TSNARE1: variants seen among roughly 807,000 people sequenced by gnomAD.
TSNARE1 encodes t-SNARE domain-containing protein 1.
Under a neutral mutation model 62.0 loss-of-function variants are expected in TSNARE1, and 49 were observed. The observed-to-expected ratio is 0.79, with a 90% confidence interval of 0.63 to 1.00. The LOEUF (loss-of-function observed/expected upper bound fraction) is 1.00, where lower values mean the gene tolerates loss of function less well. Ranked by LOEUF, TSNARE1 falls within the 50% of genes least tolerant of loss-of-function variation. TSNARE1 has a pLI of 0.00. For missense variants in TSNARE1, 755 were observed against 700.1 expected (o/e 1.08, Z -0.88); for synonymous variants, 328 against 294.4 (o/e 1.11, Z -1.17).
intron 11 of TSNARE1, chr8:142,275,877 G>T (rs577651675): frequency 4.6e-4 from 455 of 985,298 alleles, no homozygotes; most frequent in Non-Finnish European, 5.4e-4. Flanking sequence ...TGAGGGAGGA[G>T]GGTCCTCAGA....
chr8:142,270,542 C>T (rs989454637), intron 12 of TSNARE1: 1 of 983,132 alleles, frequency 1.0e-6, no homozygotes, highest in East Asian at 1.1e-4. Flanking sequence ...GAAATTATTC[C>T]AGGCATATGG....
At chr8:142,382,741 C>T (rs939421475) in intron 1 of TSNARE1, among the ~76,000 whole-genome samples, 1 of 152,230 alleles carries the variant, frequency 6.6e-6, no homozygotes, top group Non-Finnish European at 1.5e-5. Context: ...GCCAGCTTTC[C>T]AGGAGAGAAG....
chr8:142,364,306 C>G (rs1835380152), intron 1 of TSNARE1, among the ~76,000 whole-genome samples: 1 of 152,362 alleles, frequency 6.6e-6, no homozygotes, highest in South Asian at 2.1e-4. Context: ...ACTCACCAAG[C>G]AGTGGTACTC....
At chr8:142,279,594 G>A (rs981058954) in intron 11 of TSNARE1, among the ~76,000 whole-genome samples, 3 of 152,232 alleles carry the variant, frequency 2.0e-5, no homozygotes, top group African/African-American at 7.2e-5. Flanking sequence ...ACAATGCTTG[G>A]CAATGCAGGG....
intron 12 of TSNARE1, among the ~76,000 whole-genome samples, chr8:142,264,193 T>C (rs1819027377): frequency 6.6e-6 from 1 of 152,260 alleles, no homozygotes; most frequent in South Asian, 2.1e-4. Flanking sequence ...CTCTGAGTTA[T>C]GTAGAACTGT....
At chr8:142,278,393 G>C in intron 11 of TSNARE1, 1 of 985,470 alleles carries the variant, frequency 1.0e-6, no homozygotes, top group Non-Finnish European at 1.2e-6. Context: ...GGGTCCTTCT[G>C]TCCACTCTGT....
At chr8:142,216,947 G>T (rs1815869256) in intron 13 of TSNARE1, among the ~76,000 whole-genome samples, 1 of 152,104 alleles carries the variant, frequency 6.6e-6, no homozygotes. Flanking sequence ...AACAGTCGTG[G>T]AGAAACTGCC....
intron 9 of TSNARE1, among the ~76,000 whole-genome samples, chr8:142,311,290 GTTT>G (rs58755110): frequency 1.7e-4 from 10 of 57,350 alleles, no homozygotes; most frequent in African/African-American, 5.6e-4. Flanking sequence ...AGCCTCTCTA[GTTT>G]TTTTTTTTTT....
intron 7 of TSNARE1, 84 bp downstream of exon 7, chr8:142,318,460 G>A: frequency 7.3e-7 from 1 of 1,368,036 alleles, no homozygotes; most frequent in South Asian, 1.2e-5. Flanking sequence ...CCTGTATCCT[G>A]CCTCGTGTGA....
intron 12 of TSNARE1, chr8:142,274,409 C>T: frequency 1.0e-6 from 1 of 985,482 alleles, no homozygotes; most frequent in Non-Finnish European, 1.2e-6. Context: ...CACAAAGTCC[C>T]CTCTGCAGTT....
chr8:142,338,130 C>T lies in TSNARE1; in HGVS notation c.745+5836G>A, dbSNP rs961574529. Among the ~76,000 whole-genome samples the T allele has an allele frequency of 3.3e-5, 5 of 152,352 alleles. No homozygotes were observed. The South Asian group carries it at 1.0e-3, about 32-fold the overall frequency. On this transcript the variant is annotated intron_variant, in intron 4 of 13. Transcript: ENST00000524325. Reference sequence around the variant, plus strand: ...CTTATCAGGACTTCTCTCTGCCGTCCCCATCCCCACCCTCCAGTTCTGCTG... The same window carrying T: ...CTTATCAGGACTTCTCTCTGCCGTCTCCATCCCCACCCTCCAGTTCTGCTG...
intron 12 of TSNARE1, among the ~76,000 whole-genome samples, chr8:142,235,306 T>G (rs1482270277): frequency 6.6e-6 from 1 of 152,044 alleles, no homozygotes; most frequent in East Asian, 1.9e-4. Context: ...GGTGGCTGGA[T>G]GCTGGATGTC....
At chr8:142,259,011 T>C (rs551123367) in intron 12 of TSNARE1, among the ~76,000 whole-genome samples, 1 of 152,288 alleles carries the variant, frequency 6.6e-6, no homozygotes, top group African/African-American at 2.4e-5. Context: ...CTTTGCACGG[T>C]CCGGCAAGCT....
intron 9 of TSNARE1, 104 bp from the exon 10 acceptor site, chr8:142,300,748 A>C: frequency 3.4e-5 from 40 of 1,163,994 alleles, no homozygotes; most frequent in Non-Finnish European, 4.6e-5. Context: ...CACTATCCCC[A>C]TCTGCTCTCT....
At chr8:142,383,524 C>T (rs1321516521) in intron 1 of TSNARE1, among the ~76,000 whole-genome samples, 1 of 152,200 alleles carries the variant, frequency 6.6e-6, no homozygotes, top group Admixed American at 6.5e-5. Flanking sequence ...CGGCAAGCTG[C>T]CCCCACCAGC....
chr8:142,241,834 G>A (rs1164014858), intron 12 of TSNARE1, among the ~76,000 whole-genome samples: 5 of 151,576 alleles, frequency 3.3e-5, no homozygotes, highest in African/African-American at 7.2e-5. Flanking sequence ...TCCATCTCAC[G>A]CCGTATACAA....
chr8:142,313,475 G>A (rs1827979626), intron 9 of TSNARE1, among the ~76,000 whole-genome samples: 1 of 151,668 alleles, frequency 6.6e-6, no homozygotes, highest in Non-Finnish European at 1.5e-5. Context: ...GCATGTCTGT[G>A]TTTATCTGTG....
At chr8:142,379,142 C>A (rs1056686415) in intron 1 of TSNARE1, among the ~76,000 whole-genome samples, 21 of 152,346 alleles carry the variant, frequency 1.4e-4, no homozygotes, top group African/African-American at 4.3e-4. Flanking sequence ...CCTCCCACCC[C>A]ACGTCAGCGC....
chr8:142,287,079 C>T (rs1367092460), intron 10 of TSNARE1, among the ~76,000 whole-genome samples: 1 of 152,258 alleles, frequency 6.6e-6, no homozygotes, highest in African/African-American at 2.4e-5. Flanking sequence ...ACCCAGGTCA[C>T]TACCACCATC....
Sources: gnomAD v4.1 joint callset for allele counts (sites outside exome capture counted in the v4.1 genomes callset) on GRCh38, gnomAD v4.1.1 for gene constraint, MANE v1.5 for transcripts, NCBI Gene and HGNC (gene_info 2026-07-23, HGNC 2026-07-21) for gene names.